PTPRM: variants seen among roughly 807,000 people sequenced by gnomAD.
PTPRM encodes protein tyrosine phosphatase receptor type M.
Under a neutral mutation model 186.7 loss-of-function variants are expected in PTPRM, and 47 were observed. The observed-to-expected ratio is 0.25, with a 90% confidence interval of 0.20 to 0.32. PTPRM has a LOEUF of 0.32. Ranked by LOEUF, PTPRM falls within the 10% of genes least tolerant of loss-of-function variation. The pLI, the probability that PTPRM is intolerant of heterozygous loss-of-function variation, is 1.00. For synonymous variants in PTPRM, 668 were observed against 674.9 expected, an observed-to-expected ratio of 0.99 and a Z score of 0.16; for missense variants, 1,494 against 1,865.0, an observed-to-expected ratio of 0.80 and a Z score of 3.66.
chr18:7,740,845 A>G (rs2040870920), intron 1 of PTPRM, among the ~76,000 whole-genome samples: 1 of 152,224 alleles, frequency 6.6e-6, no homozygotes, highest in Admixed American at 6.5e-5. Context: ...GTTAAGCTAT[A>G]CGGTATGGGT....
chr18:8,391,250 C>T lies in PTPRM; in HGVS notation c.4209-3226C>T, dbSNP rs369606796. 2.6e-5 allele frequency among the ~76,000 whole-genome samples: 4 copies of T among 152,296 alleles called. No homozygotes were observed. The East Asian group carries it at 7.7e-4, about 29-fold the overall frequency. On this transcript the variant is annotated intron_variant, in intron 31 of 32. Coordinates refer to ENST00000580170, the MANE Select transcript of PTPRM (RefSeq NM_001105244.2). ...ATACGCAGTCTGAGGCTGAGCTCTT[C>T]TGTTCTTAGAGAAATGACTGCAGAA... is the stretch of plus-strand genomic sequence containing the variant.
chr18:7,992,181 A>G lies in PTPRM; in HGVS notation c.1132+36767A>G, dbSNP rs76586492. Among the ~76,000 whole-genome samples, 622 of 152,116 alleles carry G rather than the reference A, an allele frequency of 4.1e-3. 4 individuals carry two copies. The highest frequency in any genetic ancestry group is 0.014 in the African/African-American group (594 of 41,512). Reference sequence around the variant, plus strand: ...TTCCACCAGAGCACCTGCACTAAAAACTGTTTTATCTTTTGGGGTTCTGGG... The same window carrying G: ...TTCCACCAGAGCACCTGCACTAAAAGCTGTTTTATCTTTTGGGGTTCTGGG... On this transcript the variant is annotated intron_variant, in intron 7 of 32. Transcript: ENST00000580170.
At chr18:7,590,877 C>T (rs1184509684) in intron 1 of PTPRM, among the ~76,000 whole-genome samples, 1 of 152,162 alleles carries the variant, frequency 6.6e-6, no homozygotes, top group Non-Finnish European at 1.5e-5. Flanking sequence ...CTGGATCTAC[C>T]AGGCTTTCTT....
intron 1 of PTPRM, among the ~76,000 whole-genome samples, chr18:7,770,156 T>C (rs2042208386): frequency 6.6e-6 from 1 of 152,154 alleles, no homozygotes; most frequent in African/African-American, 2.4e-5. Flanking sequence ...GATGGCAAAA[T>C]TTGTCTGTAT....
chr18:8,042,558 C>CT, intron 7 of PTPRM, among the ~76,000 whole-genome samples: 1 of 152,134 alleles, frequency 6.6e-6, no homozygotes, highest in East Asian at 1.9e-4. Context: ...TTTTTAAATG[C>CT]TTTTCTTGGA....
intron 20 of PTPRM, among the ~76,000 whole-genome samples, chr18:8,300,833 T>C (rs1171236184): frequency 6.6e-6 from 1 of 152,170 alleles, no homozygotes; most frequent in African/African-American, 2.4e-5. Context: ...CTAATCTTCC[T>C]CTCACCTTCC....
intron 23 of PTPRM, among the ~76,000 whole-genome samples, chr18:8,358,030 G>A (rs2095572817): frequency 6.6e-6 from 1 of 151,968 alleles, no homozygotes; most frequent in African/African-American, 2.4e-5. Context: ...CATATCATAT[G>A]CCAACCCCAA....
At chr18:7,950,043 C>A (rs2052833017) in intron 6 of PTPRM, among the ~76,000 whole-genome samples, 1 of 151,900 alleles carries the variant, frequency 6.6e-6, no homozygotes, top group Non-Finnish European at 1.5e-5. Flanking sequence ...TTTTAGACAA[C>A]CTGTGGCAAG....
chr18:7,714,413 C>G (rs2040278926), intron 1 of PTPRM, among the ~76,000 whole-genome samples: 1 of 152,046 alleles, frequency 6.6e-6, no homozygotes, highest in Admixed American at 6.6e-5. Flanking sequence ...CAAGAGAAAG[C>G]AGGAAAGATC....
At chr18:7,592,940 A>C (rs1305183839) in intron 1 of PTPRM, among the ~76,000 whole-genome samples, 2 of 152,184 alleles carry the variant, frequency 1.3e-5, no homozygotes, top group African/African-American at 4.8e-5. Flanking sequence ...AGAGGTGAAA[A>C]GGAAAATGGC....
chr18:7,908,554 G>A (rs1368254383), intron 4 of PTPRM, among the ~76,000 whole-genome samples: 3 of 152,118 alleles, frequency 2.0e-5, no homozygotes, highest in Admixed American at 6.6e-5. Context: ...ATCTAAAGGG[G>A]TTTTGCTCTC....
intron 2 of PTPRM, among the ~76,000 whole-genome samples, chr18:7,839,613 A>G (rs1117814): frequency 0.66 from 100,351 of 152,134 alleles, 33,618 homozygotes; most frequent in East Asian, 0.96. Flanking sequence ...CCAAGCAGAG[A>G]GATGGGGTCT....
At position 8,314,815 on chromosome 18, in the gene PTPRM, A is replaced by G. The variant is rs748521351; in HGVS notation, c.2877A>G (p.Glu959=). ...DHSRVRLQTI[E]GDTNSDYING... ...CCCGAGTGAGGCTGCAGACAATAGA[A>G]GGAGACACAAACTCAGACTATATCA... Residue 959 remains glutamate (E), a synonymous_variant, in exon 21 of 33, where the codon GAA becomes GAG. Coordinates refer to ENST00000580170, the MANE Select transcript of PTPRM (RefSeq NM_001105244.2). 2 of 1,612,048 alleles carry G rather than the reference A, an allele frequency of 1.2e-6. No homozygotes were observed. The highest frequency in any genetic ancestry group is 1.7e-6 in the Non-Finnish European group (2 of 1,178,458).
At chr18:7,755,291 A>T (rs1405010403) in intron 1 of PTPRM, 1 of 152,030 alleles carries the variant, frequency 6.6e-6, no homozygotes, top group South Asian at 2.1e-4. Flanking sequence ...GGAGGTGAGT[A>T]TGGAAAACAA....
chr18:7,725,306 C>T (rs1457737251), intron 1 of PTPRM, among the ~76,000 whole-genome samples: 3 of 152,074 alleles, frequency 2.0e-5, no homozygotes, highest in East Asian at 3.9e-4. Context: ...ATGAGCATTC[C>T]CAGTTCTCCA....
chr18:8,290,719 T>C (rs1019814692), intron 19 of PTPRM, among the ~76,000 whole-genome samples: 2 of 152,186 alleles, frequency 1.3e-5, no homozygotes, highest in Admixed American at 6.5e-5. Context: ...TATTACTCTT[T>C]CAGAGTGGTT....
At chr18:7,828,810 T>A (rs956376176) in intron 2 of PTPRM, among the ~76,000 whole-genome samples, 2 of 152,216 alleles carry the variant, frequency 1.3e-5, no homozygotes, top group Non-Finnish European at 2.9e-5. Context: ...GTACCTGTGC[T>A]GCATATATTT....
chr18:7,994,293 CACACCT>C (rs2083419972), intron 7 of PTPRM, among the ~76,000 whole-genome samples: 1 of 148,812 alleles, frequency 6.7e-6, no homozygotes, highest in African/African-American at 2.5e-5. Flanking sequence ...CACACACACA[CACACCT>C]AACACTGGTG....
At chr18:7,825,675 G>A (rs546663088) in intron 2 of PTPRM, among the ~76,000 whole-genome samples, 2 of 152,054 alleles carry the variant, frequency 1.3e-5, no homozygotes, top group African/African-American at 4.8e-5. Flanking sequence ...TACAAGCCCC[G>A]AGGCTCCCAT....
Sources: gnomAD v4.1 joint callset for allele counts (sites outside exome capture counted in the v4.1 genomes callset) on GRCh38, gnomAD v4.1.1 for gene constraint, MANE v1.5 for transcripts, NCBI Gene and HGNC (gene_info 2026-07-23, HGNC 2026-07-21) for gene names.